Variants in CADPS observed in about 807,000 individuals in gnomAD.
CADPS encodes calcium-dependent secretion activator 1.
Under a neutral mutation model 167.3 loss-of-function variants are expected in CADPS, and 57 were observed. That is an observed-to-expected ratio of 0.34 (90% CI 0.28 to 0.42). The LOEUF is 0.42. Among genes scored for constraint, CADPS ranks in the 20% least tolerant of loss-of-function variants. CADPS has a pLI of 1.00. For missense variants in CADPS, 1,414 were observed against 1,738.1 expected (o/e 0.81, Z 3.32); for synonymous variants, 676 against 635.3 (o/e 1.06, Z -0.96).
chr3:62,874,511 G>A lies in CADPS; in HGVS notation c.441+78C>T, dbSNP rs1319491570. On this transcript the variant is annotated intron_variant, in intron 1 of 29. Coordinates refer to ENST00000383710, the MANE Select transcript of CADPS (RefSeq NM_003716.4). This position sits in a 1 kb window ranked among gnomAD's most constrained non-coding sequence, Gnocchi z 7.1. Reference sequence around the variant, plus strand: ...TCTCCTGCTCCTCCTCGCCAGCTGCGCCGCCAGCTCCCATTGTTCACCCCG... The same window carrying A: ...TCTCCTGCTCCTCCTCGCCAGCTGCACCGCCAGCTCCCATTGTTCACCCCG... 7.9e-6 allele frequency: 9 copies of A among 1,137,456 alleles called. No individual in the cohort carries two copies. The highest frequency in any genetic ancestry group is 1.1e-5 in the Non-Finnish European group (9 of 790,476). The allele number at this position is 1,137,456 out of a possible 1,614,324, so 70.5% of individuals were successfully genotyped here. A position where few individuals can be genotyped will look rare whatever the true frequency, so the allele number is the denominator to read the frequency against.
chr3:62,748,456 T>C (rs923830928), intron 3 of CADPS, among the ~76,000 whole-genome samples: 4 of 151,472 alleles, frequency 2.6e-5, no homozygotes, highest in African/African-American at 9.7e-5. Flanking sequence ...TTGAATGAGA[T>C]AGTTAAGGAT....
rs561604428 is a variant in CADPS at position 62,484,274 on chromosome 3, T to G, written c.3027-2405A>C. 1.1e-4 allele frequency among the ~76,000 whole-genome samples: 16 copies of G among 152,322 alleles called. No homozygotes were observed. In the East Asian group the frequency reaches 1.7e-3, roughly 17 times the overall value. Reference sequence around the variant, plus strand: ...TTACTAGTGTTACTAATATTTCATTTGGATATTAATAACATAAAGAATCAA... The same window carrying G: ...TTACTAGTGTTACTAATATTTCATTGGGATATTAATAACATAAAGAATCAA... On this transcript the variant is annotated intron_variant, in intron 21 of 29. Coordinates refer to ENST00000383710, the MANE Select transcript of CADPS (RefSeq NM_003716.4).
intron 26 of CADPS, among the ~76,000 whole-genome samples, chr3:62,463,801 A>G (rs1270583916): frequency 6.6e-6 from 1 of 152,200 alleles, no homozygotes; most frequent in Non-Finnish European, 1.5e-5. Context: ...TCCTACTGTC[A>G]TTATCCCCTT....
intron 1 of CADPS, among the ~76,000 whole-genome samples, chr3:62,838,069 C>T (rs1257030313): frequency 6.6e-6 from 1 of 152,184 alleles, no homozygotes; most frequent in Non-Finnish European, 1.5e-5. Flanking sequence ...CATCCATACG[C>T]TCTTCAAGTA....
At chr3:62,824,815 T>G (rs2073738457) in intron 1 of CADPS, among the ~76,000 whole-genome samples, 1 of 152,174 alleles carries the variant, frequency 6.6e-6, no homozygotes, top group African/African-American at 2.4e-5. Flanking sequence ...AATGAGAGGT[T>G]CTTTGCAGTT....
At chr3:62,628,299 A>G (rs571084060) in intron 6 of CADPS, among the ~76,000 whole-genome samples, 8 of 152,312 alleles carry the variant, frequency 5.3e-5, no homozygotes, top group Non-Finnish European at 7.4e-5. Flanking sequence ...TTCTTTGTAC[A>G]TGTTAGCCAT....
intron 1 of CADPS, among the ~76,000 whole-genome samples, chr3:62,858,395 T>C (rs1473686510): frequency 1.3e-5 from 2 of 152,132 alleles, no homozygotes; most frequent in African/African-American, 4.8e-5. Flanking sequence ...AAGCATGGAA[T>C]ACAAGTCCTC....
intron 6 of CADPS, among the ~76,000 whole-genome samples, chr3:62,633,739 G>A (rs1172085259): frequency 1.3e-5 from 2 of 152,094 alleles, no homozygotes; most frequent in East Asian, 3.9e-4. Flanking sequence ...CTTCACAGCA[G>A]TGGTGCAGGG....
chr3:62,507,940 C>A (rs560367270), intron 17 of CADPS, among the ~76,000 whole-genome samples: 43 of 152,090 alleles, frequency 2.8e-4, no homozygotes, highest in Non-Finnish European at 4.0e-4. Context: ...TGCAATAATT[C>A]TCTGGGGGAG....
At chr3:62,728,165 T>TTAC (rs1290258352) in intron 3 of CADPS, among the ~76,000 whole-genome samples, 11 of 151,822 alleles carry the variant, frequency 7.2e-5, no homozygotes, top group African/African-American at 2.7e-4. Flanking sequence ...TTTGCAATTA[T>TTAC]AAGGGCAAAA....
chr3:62,465,485 T>G lies in CADPS; in HGVS notation c.3553-35A>C. On this transcript the variant is annotated intron_variant, in intron 25 of 29. Transcript: ENST00000383710. The surrounding 1 kb of genome is among the most constrained non-coding windows in gnomAD (Gnocchi z 4.1). ...CAGCAAAAAAGAAAAAAATGTTATT[T>G]CAAACTATAATTGTTCACCATAAAG... The G allele has an allele frequency of 7.0e-7, 1 of 1,436,458 alleles. No individual in the cohort carries two copies. The highest frequency in any genetic ancestry group is 9.7e-7 in the Non-Finnish European group (1 of 1,028,118). The allele number at this position is 1,436,458 out of a possible 1,614,324, so 89.0% of individuals were successfully genotyped here. A position where few individuals can be genotyped will look rare whatever the true frequency, so the allele number is the denominator to read the frequency against.
intron 3 of CADPS, among the ~76,000 whole-genome samples, chr3:62,698,234 G>A (rs1364945048): frequency 1.3e-5 from 2 of 152,178 alleles, no homozygotes; most frequent in African/African-American, 2.4e-5. Context: ...GCTCTAAAAT[G>A]TTTGCTACTG....
In CADPS at chr3:62,753,854, A is replaced by G; in HGVS notation, c.556-81T>C. On this transcript the variant is annotated intron_variant, in intron 2 of 29. Transcript: ENST00000383710. The surrounding 1 kb of genome is among the most constrained non-coding windows in gnomAD (Gnocchi z 4.6). Reference sequence around the variant, plus strand: ...GTTCCCTGGGGCTGGACACTGGGCCAGTCCACCTCACGTGCATCCCAGGAG... The same window carrying G: ...GTTCCCTGGGGCTGGACACTGGGCCGGTCCACCTCACGTGCATCCCAGGAG... The G allele has an allele frequency of 7.5e-7, 1 of 1,341,164 alleles. No individual in the cohort carries two copies. The highest frequency in any genetic ancestry group is 1.4e-5 in the South Asian group (1 of 70,042). The allele number at this position is 1,341,164 out of a possible 1,614,324, so 83.1% of individuals were successfully genotyped here. A position where few individuals can be genotyped will look rare whatever the true frequency, so the allele number is the denominator to read the frequency against.
intron 6 of CADPS, among the ~76,000 whole-genome samples, chr3:62,620,558 C>T (rs75694267): frequency 0.033 from 5,072 of 152,242 alleles, 292 homozygotes; most frequent in African/African-American, 0.11. Flanking sequence ...GCAGGTACTA[C>T]TACTGCTTCC....
chr3:62,683,756 CTTTGCA>C (rs1445378520), intron 3 of CADPS, among the ~76,000 whole-genome samples: 2 of 152,018 alleles, frequency 1.3e-5, no homozygotes, highest in Non-Finnish European at 2.9e-5. Flanking sequence ...CTCAGACTTT[CTTTGCA>C]TTTGATGACC....
intron 11 of CADPS, among the ~76,000 whole-genome samples, chr3:62,539,916 A>G (rs1272131043): frequency 6.6e-6 from 1 of 152,170 alleles, no homozygotes; most frequent in Non-Finnish European, 1.5e-5. Flanking sequence ...GATATGAGGC[A>G]GGTTGCTTAA....
intron 1 of CADPS, among the ~76,000 whole-genome samples, chr3:62,854,322 A>G (rs1200064061): frequency 1.3e-5 from 2 of 152,240 alleles, no homozygotes; most frequent in Non-Finnish European, 2.9e-5. Flanking sequence ...TGTGAAGGTC[A>G]TGGCAAGCAA....
chr3:62,573,888 T>C (rs1008682713), intron 8 of CADPS, among the ~76,000 whole-genome samples: 9 of 152,248 alleles, frequency 5.9e-5, no homozygotes, highest in African/African-American at 2.2e-4. Context: ...TTCTTCTTTC[T>C]GAATTCCTTT....
intron 21 of CADPS, among the ~76,000 whole-genome samples, chr3:62,490,726 T>C (rs1224231415): frequency 6.6e-6 from 1 of 152,148 alleles, no homozygotes; most frequent in Non-Finnish European, 1.5e-5. Flanking sequence ...CTAAACATAC[T>C]TGGCCATAAA....
Sources: gnomAD v4.1 joint callset for allele counts (sites outside exome capture counted in the v4.1 genomes callset) on GRCh38, gnomAD v4.1.1 for gene constraint, Gnocchi (gnomAD v3.1) non-coding constraint, MANE v1.5 for transcripts, NCBI Gene and HGNC (gene_info 2026-07-23, HGNC 2026-07-21) for gene names.